The following ATL1 variants were observed in gnomAD, a reference collection of about 807,000 sequenced individuals.
ATL1 encodes the protein atlastin-1.
ATL1 carries 31 observed loss-of-function variants against 75.5 expected under a neutral mutation model. That is an observed-to-expected ratio of 0.41 (90% CI 0.31 to 0.55). ATL1 has a LOEUF of 0.55. Ranked by LOEUF, ATL1 falls within the 20% of genes least tolerant of loss-of-function variation. The pLI, the probability that ATL1 is intolerant of heterozygous loss-of-function variation, is 0.27. For missense variants in ATL1, 405 were observed against 662.6 expected, an observed-to-expected ratio of 0.61 and a Z score of 4.27; for synonymous variants, 226 against 233.3, an observed-to-expected ratio of 0.97 and a Z score of 0.28.
At chr14:50,599,692 C>T (rs968705830) in intron 6 of ATL1, among the ~76,000 whole-genome samples, 3 of 151,904 alleles carry the variant, frequency 2.0e-5, no homozygotes, top group African/African-American at 4.8e-5. Context: ...AAAATTTGTA[C>T]AGAAGTAAGC....
intron 6 of ATL1, among the ~76,000 whole-genome samples, chr14:50,611,405 G>A (rs919959524): frequency 6.6e-6 from 1 of 152,038 alleles, no homozygotes; most frequent in Non-Finnish European, 1.5e-5. Flanking sequence ...TGCATTTGTA[G>A]TATCTTTCAA....
At chr14:50,604,116 C>T (rs2039295644) in intron 6 of ATL1, among the ~76,000 whole-genome samples, 1 of 152,164 alleles carries the variant, frequency 6.6e-6, no homozygotes, top group Non-Finnish European at 1.5e-5. Context: ...TGTTACCGCT[C>T]CTTCTTTATT....
At chr14:50,631,351 C>A (rs890490508) in intron 13 of ATL1, among the ~76,000 whole-genome samples, 4 of 151,698 alleles carry the variant, frequency 2.6e-5, no homozygotes, top group Non-Finnish European at 5.9e-5. Context: ...ATGGAATTTC[C>A]TGGGAACAGA....
rs188788433 is a variant in ATL1 at position 50,629,464 on chromosome 14, C to G, written c.1552-531C>G. On this transcript the variant is annotated intron_variant, in intron 12 of 13. Transcript: ENST00000358385. Reference sequence around the variant, plus strand: ...GTCATAGTGGCGCATGCCTGTAATCCCAGCTACTCGGGAGGCTGAGGCAGG... The same window carrying G: ...GTCATAGTGGCGCATGCCTGTAATCGCAGCTACTCGGGAGGCTGAGGCAGG... Among the ~76,000 whole-genome samples the G allele has an allele frequency of 5.3e-5, 8 of 152,058 alleles. 1 individual carries two copies. The East Asian group carries it at 1.4e-3, about 26-fold the overall frequency.
chr14:50,542,086 G>C (rs918790433), intron 1 of ATL1, among the ~76,000 whole-genome samples: 6 of 139,656 alleles, frequency 4.3e-5, no homozygotes, highest in Non-Finnish European at 7.6e-5. Context: ...TTGTCTGTTT[G>C]AAAGGCAACT....
chr14:50,542,306 A>G (rs955123877), intron 1 of ATL1, among the ~76,000 whole-genome samples: 15 of 146,604 alleles, frequency 1.0e-4, no homozygotes, highest in Non-Finnish European at 1.8e-4. Flanking sequence ...GGTTGGGGGC[A>G]AGGGGAGAGA....
intron 6 of ATL1, among the ~76,000 whole-genome samples, chr14:50,597,224 A>AAAAAAAAAAG (rs2039227869): frequency 6.7e-6 from 1 of 150,028 alleles, no homozygotes; most frequent in African/African-American, 2.5e-5. Context: ...AACAAACAAA[A>AAAAAAAAAAG]AAAAAAAAAG....
intron 6 of ATL1, among the ~76,000 whole-genome samples, chr14:50,606,605 A>T (rs2039319157): frequency 6.6e-6 from 1 of 152,054 alleles, no homozygotes; most frequent in African/African-American, 2.4e-5. Flanking sequence ...CTAAGGCAGA[A>T]TTTGATTAAT....
chr14:50,593,607 T>A (rs2039184076), intron 4 of ATL1, among the ~76,000 whole-genome samples: 1 of 152,220 alleles, frequency 6.6e-6, no homozygotes, highest in African/African-American at 2.4e-5. Flanking sequence ...ATTTTAATAT[T>A]CCATCTCCAG....
At chr14:50,546,177 G>A (rs980631976) in intron 1 of ATL1, among the ~76,000 whole-genome samples, 4 of 152,134 alleles carry the variant, frequency 2.6e-5, no homozygotes, top group African/African-American at 9.7e-5. Context: ...AAATCAAACT[G>A]CTATGAAAAC....
chr14:50,576,006 T>A (rs185823698), intron 1 of ATL1, among the ~76,000 whole-genome samples: 30 of 152,184 alleles, frequency 2.0e-4, no homozygotes, highest in African/African-American at 7.0e-4. Context: ...CAGACTATCC[T>A]CAACTTATGA....
At chr14:50,551,078 G>T (rs1038737098) in intron 1 of ATL1, among the ~76,000 whole-genome samples, 20 of 152,066 alleles carry the variant, frequency 1.3e-4, no homozygotes, top group African/African-American at 4.8e-4. Context: ...CAAGACAGAT[G>T]AAACAAAAAG....
upstream of ATL1, among the ~76,000 whole-genome samples, chr14:50,558,865 GC>G (rs1316129193): frequency 1.3e-5 from 2 of 152,210 alleles, no homozygotes; most frequent in African/African-American, 2.4e-5. Flanking sequence ...ACTCTGTTGA[GC>G]ACAGACTTCT....
Position 50,536,062 on chromosome 14 carries a change from A to G in ATL1, c.-140+2695A>G, listed in dbSNP as rs951398107. 2.6e-5 allele frequency among the ~76,000 whole-genome samples: 4 copies of G among 152,354 alleles called. No individual in the cohort carries two copies. In the South Asian group the frequency reaches 6.2e-4, roughly 24 times the overall value. ...CATGATTGTGAGGCTTCGCAGCCAC[A>G]TGGAACTGTAAGTCCAATTAAACCT... is the stretch of plus-strand genomic sequence containing the variant. On this transcript the variant is annotated intron_variant, in intron 1 of 13. Coordinates refer to the ATL1 transcript ENST00000441560.
At chr14:50,622,971 A>G (rs138251913) in intron 10 of ATL1, among the ~76,000 whole-genome samples, 206 of 152,308 alleles carry the variant, frequency 1.4e-3, no homozygotes, top group African/African-American at 4.6e-3. Flanking sequence ...AGTATTGTGT[A>G]TTGAGTAAAA....
At chr14:50,562,446 C>T (rs919583150) in intron 1 of ATL1, among the ~76,000 whole-genome samples, 2 of 152,192 alleles carry the variant, frequency 1.3e-5, no homozygotes, top group Admixed American at 1.3e-4. Context: ...AATGCAGACT[C>T]TCCCATCTTC....
chr14:50,625,301 AGGTTTTTG>A (rs1471587650), intron 11 of ATL1, among the ~76,000 whole-genome samples: 2 of 152,200 alleles, frequency 1.3e-5, no homozygotes, highest in African/African-American at 4.8e-5. Context: ...AAGCTAGCAG[AGGTTTTTG>A]GTTCATGAGG....
At chr14:50,563,582 C>A (rs1156244373) in intron 1 of ATL1, among the ~76,000 whole-genome samples, 7 of 152,152 alleles carry the variant, frequency 4.6e-5, no homozygotes. Flanking sequence ...TTTGCAAAAT[C>A]AGCATGAGAG....
chr14:50,556,694 CCT>C (rs1360505715), upstream of ATL1, among the ~76,000 whole-genome samples: 2 of 152,160 alleles, frequency 1.3e-5, no homozygotes, highest in African/African-American at 4.8e-5. Flanking sequence ...CTACTTTCTG[CCT>C]CTTTAGATTT....
Sources: gnomAD v4.1 joint callset for allele counts (sites outside exome capture counted in the v4.1 genomes callset) on GRCh38, gnomAD v4.1.1 for gene constraint, MANE v1.5 for transcripts, NCBI Gene and HGNC (gene_info 2026-07-23, HGNC 2026-07-21) for gene names.